Variants in MAP2K1 observed in about 807,000 individuals in gnomAD.
MAP2K1 encodes dual specificity mitogen-activated protein kinase kinase 1.
In MAP2K1, 16 loss-of-function variants were observed where a neutral mutation model predicts 46.3. The ratio of observed to expected loss-of-function variants is 0.35; its 90% CI spans 0.23 to 0.52. The LOEUF is 0.52. Ranked by LOEUF, MAP2K1 falls within the 20% of genes least tolerant of loss-of-function variation. MAP2K1 has a pLI of 0.94. For missense variants in MAP2K1, 263 were observed against 497.1 expected, an observed-to-expected ratio of 0.53 and a Z score of 4.48; for synonymous variants, 183 against 185.6, an observed-to-expected ratio of 0.99 and a Z score of 0.11.
intron 1 of MAP2K1, chr15:66,401,975 G>A (rs1230622926): frequency 7.4e-7 from 1 of 1,343,400 alleles, no homozygotes; most frequent in Non-Finnish European, 9.8e-7. Context: ...TGTGGTTCCA[G>A]GCTGAACATT....
intron 1 of MAP2K1, among the ~76,000 whole-genome samples, chr15:66,424,026 T>G (rs2093450575): frequency 6.6e-6 from 1 of 151,280 alleles, no homozygotes; most frequent in Admixed American, 6.6e-5. Context: ...GTGCTGAGAT[T>G]ATGGATGTGA....
intron 1 of MAP2K1, 115 bp from the exon 2 acceptor site, chr15:66,434,912 C>T: frequency 1.2e-6 from 1 of 806,902 alleles, no homozygotes; most frequent in Non-Finnish European, 2.2e-6. Flanking sequence ...TCTAGCCTCC[C>T]ACTTTGATTA....
At chr15:66,476,154 C>T (rs1309787994) in intron 5 of MAP2K1, among the ~76,000 whole-genome samples, 3 of 152,200 alleles carry the variant, frequency 2.0e-5, no homozygotes, top group African/African-American at 7.2e-5. Flanking sequence ...TATTAGATCT[C>T]AGCCTCCTGT....
At chr15:66,478,810 C>T (rs2140663056) in intron 5 of MAP2K1, among the ~76,000 whole-genome samples, 1 of 152,162 alleles carries the variant, frequency 6.6e-6, no homozygotes, top group African/African-American at 2.4e-5. Flanking sequence ...CACTTAAGAC[C>T]ACCTAATGTT....
At chr15:66,398,706 C>G (rs2140523444) in intron 1 of MAP2K1, among the ~76,000 whole-genome samples, 1 of 150,606 alleles carries the variant, frequency 6.6e-6, no homozygotes, top group African/African-American at 2.4e-5. Flanking sequence ...TGTACCGGAT[C>G]AAAAAATAGT....
chr15:66,445,001 A>G, intron 5 of MAP2K1: 1 of 443,832 alleles, frequency 2.3e-6, no homozygotes, highest in South Asian at 2.2e-5. Context: ...GTCACTATTC[A>G]CTGGAACAGT....
intron 1 of MAP2K1, among the ~76,000 whole-genome samples, chr15:66,432,651 T>C (rs1277503697): frequency 3.9e-5 from 6 of 152,198 alleles, no homozygotes; most frequent in African/African-American, 1.4e-4. Flanking sequence ...CACACTGGGA[T>C]CTTACCCATG....
intron 1 of MAP2K1, chr15:66,401,869 T>C: frequency 1.4e-6 from 1 of 701,422 alleles, no homozygotes; most frequent in Non-Finnish European, 2.3e-6. Flanking sequence ...TGGGAAAGCC[T>C]GGGATGTGCA....
chr15:66,444,922 C>T, intron 5 of MAP2K1: 1 of 557,338 alleles, frequency 1.8e-6, no homozygotes, highest in Non-Finnish European at 3.2e-6. Flanking sequence ...CTGTGATGGA[C>T]AATAGTCATA....
chr15:66,485,205 T>G lies in MAP2K1; in HGVS notation c.895+14T>G. The G allele has an allele frequency of 1.2e-6, 2 of 1,611,842 alleles. No individual in the cohort carries two copies. The highest frequency in any genetic ancestry group is 1.7e-6 in the Non-Finnish European group (2 of 1,178,786). ...GGCCCCTTAGCTGTGAGTAGCCTGG[T>G]GTGTCCCCATCTTGGACTGTTGGAG... On this transcript the variant is annotated intron_variant, in intron 7 of 10. Transcript: ENST00000307102.
intron 5 of MAP2K1, among the ~76,000 whole-genome samples, chr15:66,477,385 G>A (rs556432040): frequency 6.6e-6 from 1 of 152,310 alleles, no homozygotes; most frequent in East Asian, 1.9e-4. Flanking sequence ...TGTGGGGAAG[G>A]AGAGGTGTCT....
At chr15:66,448,920 C>T (rs1891952281) in intron 5 of MAP2K1, among the ~76,000 whole-genome samples, 1 of 136,500 alleles carries the variant, frequency 7.3e-6, no homozygotes, top group Non-Finnish European at 1.5e-5. Flanking sequence ...AAGAGAATTG[C>T]TTGAACCTGG....
chr15:66,410,413 AAG>A (rs1491256118), intron 1 of MAP2K1, among the ~76,000 whole-genome samples: 2 of 151,296 alleles, frequency 1.3e-5, no homozygotes, highest in African/African-American at 4.8e-5. Context: ...TTTTAGGAAA[AAG>A]GGGAAAAAAG....
At chr15:66,405,110 A>ATAG (rs2093393198) in intron 1 of MAP2K1, among the ~76,000 whole-genome samples, 2 of 152,318 alleles carry the variant, frequency 1.3e-5, no homozygotes, top group South Asian at 4.1e-4. Flanking sequence ...AAGAAAGGTC[A>ATAG]TAGTATTCTA....
At position 66,440,394 on chromosome 15, in the gene MAP2K1, G is replaced by C. The variant is rs114653607; in HGVS notation, c.439-2886G>C. ...GGTGTGAGCCACCACGCCTGGCCCT[G>C]GGAATGTGTTTTAAAGTAAATTTGT... On this transcript the variant is annotated intron_variant, in intron 3 of 10. Transcript: ENST00000307102. Among the ~76,000 whole-genome samples the C allele has an allele frequency of 3.2e-3, 482 of 152,268 alleles. 4 individuals carry two copies. The highest frequency in any genetic ancestry group is 0.011 in the African/African-American group (465 of 41,554).
chr15:66,413,694 T>C (rs1263005144), intron 1 of MAP2K1, among the ~76,000 whole-genome samples: 1 of 152,128 alleles, frequency 6.6e-6, no homozygotes, highest in Non-Finnish European at 1.5e-5. Context: ...GTTTGGGGGA[T>C]ACTTCCAGCT....
chr15:66,420,748 T>TGC lies in MAP2K1; in HGVS notation c.81-14278_81-14277insCG, dbSNP rs2093436671. Among the ~76,000 whole-genome samples the TGC allele has an allele frequency of 7.2e-5, 4 of 55,332 alleles. 1 individual carries two copies. Among genetic ancestry groups the TGC allele is most frequent in the African/African-American group, 2.2e-4 (4 of 18,486 alleles). 36.3% of individuals were successfully genotyped at this position (55,332 alleles called of 152,430 possible). On this transcript the variant is annotated intron_variant, in intron 1 of 10. Coordinates refer to ENST00000307102, the MANE Select transcript of MAP2K1 (RefSeq NM_002755.4). ...GTGTGTGTGTGTGTGTGTGTGTGTG[T>TGC]GTGTGTGTGTGTATGTGTGTATATA...
chr15:66,426,151 T>C (rs1549855), intron 1 of MAP2K1, among the ~76,000 whole-genome samples: 1 of 151,256 alleles, frequency 6.6e-6, no homozygotes, highest in African/African-American at 2.4e-5. Flanking sequence ...TCTTTTTTTT[T>C]TTTTTTTAAG....
chr15:66,440,989 G>A (rs1567011077), intron 3 of MAP2K1, among the ~76,000 whole-genome samples: 2 of 152,128 alleles, frequency 1.3e-5, no homozygotes, highest in South Asian at 2.1e-4. Context: ...TACAGATACG[G>A]TCTTGCTCTG....
Sources: gnomAD v4.1 joint callset for allele counts (sites outside exome capture counted in the v4.1 genomes callset) on GRCh38, gnomAD v4.1.1 for gene constraint, MANE v1.5 for transcripts, NCBI Gene and HGNC (gene_info 2026-07-23, HGNC 2026-07-21) for gene names.